The following PCDHGA2 variants were observed in gnomAD, a reference collection of about 807,000 sequenced individuals.
PCDHGA2 encodes protocadherin gamma-A2.
A neutral mutation model predicts 59.2 loss-of-function variants in PCDHGA2; 40 were observed. The ratio of observed to expected loss-of-function variants is 0.68; its 90% CI spans 0.52 to 0.88. The LOEUF is 0.88. Ranked by LOEUF, PCDHGA2 falls within the 40% of genes least tolerant of loss-of-function variation. The pLI, the probability that PCDHGA2 is intolerant of heterozygous loss-of-function variation, is 0.00. For synonymous variants in PCDHGA2, 560 were observed against 526.0 expected (o/e 1.06, Z -0.89); for missense variants, 1,226 against 1,204.0 (o/e 1.02, Z -0.27).
At chr5:141,356,080 T>G in intron 1 of PCDHGA2, 9 of 1,613,922 alleles carry the variant, frequency 5.6e-6, no homozygotes, top group Non-Finnish European at 7.6e-6. Flanking sequence ...GCTATTTCAG[T>G]TGAATTCTCT....
chr5:141,511,361 G>C lies in PCDHGA2; in HGVS notation c.*188G>C, dbSNP rs2099883750. 7.4e-7 allele frequency: 1 copy of C among 1,345,388 alleles called. No individual in the cohort carries two copies. Among genetic ancestry groups the C allele is most frequent in the Non-Finnish European group, 9.9e-7 (1 of 1,006,550 alleles). The allele number at this position is 1,345,388 out of a possible 1,614,324, so 83.3% of individuals were successfully genotyped here. On this transcript the variant is annotated 3_prime_UTR_variant, in exon 4 of 4. Transcript: ENST00000394576. ...CCTACCCCTTCCCCCCCAGGGGGTTGAATATGCAAAAGCAGTTCCGCTGGG... is the reference window on the plus strand; with the variant it reads ...CCTACCCCTTCCCCCCCAGGGGGTTCAATATGCAAAAGCAGTTCCGCTGGG...
At position 141,490,328 on chromosome 5, in the gene PCDHGA2, C is replaced by T; in HGVS notation, c.2425-4479C>T. 2 of 1,614,228 alleles carry T rather than the reference C, an allele frequency of 1.2e-6. No homozygotes were observed. Among genetic ancestry groups the T allele is most frequent in the Non-Finnish European group, 1.7e-6 (2 of 1,180,048 alleles). Reference sequence around the variant, plus strand: ...TTGGCCAACCCTGTCCTAGAGAGCACACCAGTGGGCACAGTAGTGGGGTTG... The same window carrying T: ...TTGGCCAACCCTGTCCTAGAGAGCATACCAGTGGGCACAGTAGTGGGGTTG... On this transcript the variant is annotated intron_variant, in intron 1 of 3. Coordinates refer to ENST00000394576, the MANE Select transcript of PCDHGA2 (RefSeq NM_018915.4). The surrounding 1 kb of genome is among the most constrained non-coding windows in gnomAD (Gnocchi z 5.4).
chr5:141,501,381 T>A (rs1261533671), intron 2 of PCDHGA2, among the ~76,000 whole-genome samples: 4 of 151,750 alleles, frequency 2.6e-5, no homozygotes, highest in African/African-American at 9.7e-5. Flanking sequence ...TCTTAAATCC[T>A]AGGTCCTGTC....
chr5:141,463,574 G>A (rs942457606), intron 1 of PCDHGA2, among the ~76,000 whole-genome samples: 1 of 146,978 alleles, frequency 6.8e-6, no homozygotes, highest in Non-Finnish European at 1.5e-5. Flanking sequence ...TCAGCCTCCC[G>A]AGTAGCTGGG....
chr5:141,410,980 A>G (rs2095454359), intron 1 of PCDHGA2: 1 of 175,670 alleles, frequency 5.7e-6, no homozygotes, highest in South Asian at 1.4e-4. Context: ...CAGCCTCCCA[A>G]GTAGCTGGGA....
chr5:141,371,145 G>T lies in PCDHGA2; in HGVS notation c.2424+29750G>T, dbSNP rs144065486. The T allele has an allele frequency of 2.5e-6, 4 of 1,613,912 alleles. No homozygotes were observed. In the African/African-American group the frequency reaches 5.3e-5, roughly 22 times the overall value. On this transcript the variant is annotated intron_variant, in intron 1 of 3. Coordinates refer to ENST00000394576, the MANE Select transcript of PCDHGA2 (RefSeq NM_018915.4). ...TACTCAGGACATGTACAGGGTCAAT[G>T]TTGCAGAGAACCTGCCCGCTGGCTC...
intron 1 of PCDHGA2, among the ~76,000 whole-genome samples, chr5:141,435,833 A>G (rs1354866725): frequency 6.6e-6 from 1 of 152,112 alleles, no homozygotes; most frequent in Non-Finnish European, 1.5e-5. Flanking sequence ...TTTGCTGCCT[A>G]TCTACTTTGA....
At chr5:141,496,733 C>T (rs1221912777) in intron 2 of PCDHGA2, among the ~76,000 whole-genome samples, 12 of 152,138 alleles carry the variant, frequency 7.9e-5, no homozygotes, top group African/African-American at 9.7e-5. Context: ...TGTATTCATT[C>T]GTTCATTTAT....
At chr5:141,352,729 C>A in intron 1 of PCDHGA2, 2 of 1,517,986 alleles carry the variant, frequency 1.3e-6, no homozygotes. Flanking sequence ...GTGGCTCAAG[C>A]CTGTAATCCC....
rs200868391 is a variant in PCDHGA2 at position 141,415,586 on chromosome 5, C to T, written c.2424+74191C>T. 540 of 1,613,746 alleles carry T rather than the reference C, an allele frequency of 3.3e-4. No individual in the cohort carries two copies. Among genetic ancestry groups the T allele is most frequent in the Non-Finnish European group, 4.5e-4 (527 of 1,179,996 alleles). ...TCTTTGTTAGATGATTCGAAGTTTCCTATAGAGGATACCCCATTGGTTCCA... is the reference window on the plus strand; with the variant it reads ...TCTTTGTTAGATGATTCGAAGTTTCTTATAGAGGATACCCCATTGGTTCCA... On this transcript the variant is annotated intron_variant, in intron 1 of 3. Coordinates refer to ENST00000394576, the MANE Select transcript of PCDHGA2 (RefSeq NM_018915.4).
rs569260568 is a variant in PCDHGA2, at chr5:141,408,294, A to G, written c.2424+66899A>G. The G allele has an allele frequency of 2.0e-5, 33 of 1,613,508 alleles. No homozygotes were observed. The East Asian group carries it at 7.1e-4, about 35-fold the overall frequency. ...CCTTTGTTCTACCCCACCCTGAGTG[A>G]GCCGATCCGCTACTCGATTCCGGAG... is the stretch of plus-strand genomic sequence containing the variant. On this transcript the variant is annotated intron_variant, in intron 1 of 3. Coordinates refer to ENST00000394576, the MANE Select transcript of PCDHGA2 (RefSeq NM_018915.4).
chr5:141,388,630 T>C (rs754073337), intron 1 of PCDHGA2: 1 of 1,613,816 alleles, frequency 6.2e-7, no homozygotes, highest in Non-Finnish European at 8.5e-7. Flanking sequence ...GTATACAGGG[T>C]GAGCCTTTCA....
chr5:141,374,395 G>A, intron 1 of PCDHGA2: 1 of 1,614,050 alleles, frequency 6.2e-7, no homozygotes, highest in South Asian at 1.1e-5. Context: ...GGTGTCTGGT[G>A]AGTTTTAACA....
chr5:141,422,317 G>A (rs1266672163), intron 1 of PCDHGA2: 2 of 1,548,092 alleles, frequency 1.3e-6, no homozygotes, highest in Non-Finnish European at 1.7e-6. Context: ...CTCTCCTCCA[G>A]GTACAGTGAT....
At chr5:141,369,467 G>T (rs1766263105) in intron 1 of PCDHGA2, among the ~76,000 whole-genome samples, 1 of 152,022 alleles carries the variant, frequency 6.6e-6, no homozygotes, top group South Asian at 2.1e-4. Context: ...AGGTGTTCTA[G>T]CCCAGCCTGG....
intron 1 of PCDHGA2, chr5:141,374,067 T>A: frequency 1.3e-6 from 2 of 1,500,346 alleles, no homozygotes; most frequent in Non-Finnish European, 1.8e-6. Context: ...CCCAGAGAAG[T>A]TCCTAATAAG....
At chr5:141,430,484 C>T (rs894612928) in intron 1 of PCDHGA2, 2 of 256,238 alleles carry the variant, frequency 7.8e-6, no homozygotes, top group African/African-American at 4.4e-5. Context: ...GATATAAAAA[C>T]GAAATATCCT....
At chr5:141,403,058 C>A in intron 1 of PCDHGA2, 1 of 1,614,060 alleles carries the variant, frequency 6.2e-7, no homozygotes, top group Non-Finnish European at 8.5e-7. Context: ...CTACTCAGTG[C>A]CTGAAGAGAC....
chr5:141,415,906 A>G, intron 1 of PCDHGA2: 1 of 784,990 alleles, frequency 1.3e-6, no homozygotes, highest in Non-Finnish European at 1.8e-6. Context: ...ACAGACTTCC[A>G]TACAGAAGTG....
Sources: gnomAD v4.1 joint callset for allele counts (sites outside exome capture counted in the v4.1 genomes callset) on GRCh38, gnomAD v4.1.1 for gene constraint, Gnocchi (gnomAD v3.1) non-coding constraint, MANE v1.5 for transcripts, NCBI Gene and HGNC (gene_info 2026-07-23, HGNC 2026-07-21) for gene names.